The following SYT1 variants were observed in gnomAD, a reference collection of about 807,000 sequenced individuals.
SYT1 encodes the protein synaptotagmin-1.
Under a neutral mutation model 44.8 loss-of-function variants are expected in SYT1, and 8 were observed. The ratio of observed to expected loss-of-function variants is 0.18; its 90% CI spans 0.10 to 0.32. The LOEUF (loss-of-function observed/expected upper bound fraction) is 0.32. SYT1 is among the 10% of genes least tolerant of loss of function. The pLI is 1.00. For synonymous variants in SYT1, 154 were observed against 188.8 expected (o/e 0.82, Z 1.51); for missense variants, 286 against 509.3 (o/e 0.56, Z 4.22).
chr12:79,415,759 T>G (rs1184771197), intron 9 of SYT1, among the ~76,000 whole-genome samples: 5 of 152,216 alleles, frequency 3.3e-5, no homozygotes. Context: ...AATATGCATT[T>G]TAAATGTTAA....
chr12:78,899,788 A>G (rs1361850984), intron 1 of SYT1, among the ~76,000 whole-genome samples: 1 of 152,036 alleles, frequency 6.6e-6, no homozygotes, highest in Non-Finnish European at 1.5e-5. Context: ...AATATGCTTT[A>G]TACTTTTTAT....
At chr12:79,327,653 T>C (rs762262131) in intron 8 of SYT1, among the ~76,000 whole-genome samples, 5 of 152,224 alleles carry the variant, frequency 3.3e-5, no homozygotes, top group Non-Finnish European at 7.3e-5. Flanking sequence ...TTCAGATCAT[T>C]TCATGCTGGG....
intron 3 of SYT1, among the ~76,000 whole-genome samples, chr12:79,178,630 A>G (rs765117835): frequency 5.3e-5 from 8 of 151,750 alleles, no homozygotes; most frequent in Non-Finnish European, 8.8e-5. Context: ...CATTTGGTGG[A>G]CAGGGCTATA....
intron 6 of SYT1, among the ~76,000 whole-genome samples, chr12:79,293,414 A>AATAAAATAAAATAAAAT (rs1879732518): frequency 6.7e-6 from 1 of 149,184 alleles, no homozygotes; most frequent in African/African-American, 2.5e-5. Flanking sequence ...ATAAAATTAA[A>AATAAAATAAAATAAAAT]AAATCTGTAA....
chr12:79,111,760 A>T (rs1205943475), intron 3 of SYT1, among the ~76,000 whole-genome samples: 1 of 151,904 alleles, frequency 6.6e-6, no homozygotes, highest in Non-Finnish European at 1.5e-5. Flanking sequence ...CTGAGACTCA[A>T]ACTCATGCCT....
chr12:78,968,774 G>A (rs962922513), intron 1 of SYT1, among the ~76,000 whole-genome samples: 8 of 152,100 alleles, frequency 5.3e-5, no homozygotes, highest in African/African-American at 1.9e-4. Flanking sequence ...TAATATTTTA[G>A]CAGACATAAT....
intron 3 of SYT1, among the ~76,000 whole-genome samples, chr12:79,134,642 G>T (rs1415158267): frequency 6.6e-6 from 1 of 152,052 alleles, no homozygotes; most frequent in African/African-American, 2.4e-5. Flanking sequence ...CATCCCTTAA[G>T]TCTACCTACA....
chr12:79,358,682 A>T (rs1374856948), intron 9 of SYT1, among the ~76,000 whole-genome samples: 2 of 152,176 alleles, frequency 1.3e-5, no homozygotes, highest in African/African-American at 2.4e-5. Flanking sequence ...TATAGCATTC[A>T]GCCTTGCCCA....
At chr12:79,089,625 C>T (rs928362126) in intron 3 of SYT1, among the ~76,000 whole-genome samples, 11 of 151,850 alleles carry the variant, frequency 7.2e-5, no homozygotes, top group African/African-American at 2.4e-4. Flanking sequence ...TTGCTGAGAC[C>T]CCAGATCCAA....
At chr12:78,893,386 GT>G (rs1479285460) in intron 1 of SYT1, among the ~76,000 whole-genome samples, 2 of 151,600 alleles carry the variant, frequency 1.3e-5, no homozygotes, top group Non-Finnish European at 3.0e-5. Context: ...ATTCAATTCT[GT>G]CTCCAAAATT....
At chr12:79,165,694 T>C (rs1871185651) in intron 3 of SYT1, among the ~76,000 whole-genome samples, 1 of 152,000 alleles carries the variant, frequency 6.6e-6, no homozygotes, top group South Asian at 2.1e-4. Flanking sequence ...TGAATATTAA[T>C]CTGATTGTTT....
In SYT1 at chr12:78,950,725, A is replaced by T. The variant is rs117272069; in HGVS notation, c.-216-27074A>T. ...AATGTATGTATATTTATTTGATTAGATCATGCTTTTTTAATCAGATGGTTT... is the reference window on the plus strand; with the variant it reads ...AATGTATGTATATTTATTTGATTAGTTCATGCTTTTTTAATCAGATGGTTT... On this transcript the variant is annotated intron_variant, in intron 1 of 10. Transcript: ENST00000261205. Among the ~76,000 whole-genome samples the T allele has an allele frequency of 4.0e-3, 616 of 152,190 alleles. 6 individuals carry two copies. The highest frequency in any genetic ancestry group is 0.031 in the Middle Eastern group (9 of 294).
chr12:79,429,631 C>G (rs1449903840), intron 9 of SYT1, among the ~76,000 whole-genome samples: 1 of 151,990 alleles, frequency 6.6e-6, no homozygotes, highest in African/African-American at 2.4e-5. Context: ...CGGGTTCACG[C>G]CATTCTCCTG....
rs114840513 is a variant in SYT1 at position 79,290,232 on chromosome 12, C to T, written c.352-1776C>T. Among the ~76,000 whole-genome samples, 1,120 of 152,238 alleles carry T rather than the reference C, an allele frequency of 7.4e-3. 12 individuals carry two copies. The highest frequency in any genetic ancestry group is 0.025 in the African/African-American group (1,037 of 41,542). On this transcript the variant is annotated intron_variant, in intron 5 of 10. Transcript: ENST00000261205. ...CAACAGCTCAATTCTGTTTATATGA[C>T]CTTCCCACCTGAATGAGTTCTATTA...
intron 1 of SYT1, among the ~76,000 whole-genome samples, chr12:78,952,174 C>G (rs1879003461): frequency 6.6e-6 from 1 of 152,036 alleles, no homozygotes; most frequent in South Asian, 2.1e-4. Flanking sequence ...TGGAATTATG[C>G]AATACTCAGC....
At chr12:79,106,047 T>TG (rs1878701024) in intron 3 of SYT1, among the ~76,000 whole-genome samples, 1 of 151,986 alleles carries the variant, frequency 6.6e-6, no homozygotes, top group South Asian at 2.1e-4. Flanking sequence ...ATACAGACGG[T>TG]GGGGAAGGAA....
In SYT1 at chr12:79,346,180, T is replaced by C. The variant is rs146705210; in HGVS notation, c.811-7322T>C. Among the ~76,000 whole-genome samples, 271 of 152,342 alleles carry C rather than the reference T, an allele frequency of 1.8e-3. 1 individual carries two copies. Among genetic ancestry groups the C allele is most frequent in the African/African-American group, 6.2e-3 (257 of 41,584 alleles). On this transcript the variant is annotated intron_variant, in intron 8 of 10. Transcript: ENST00000261205. ...TGGGGCTACAGAGCCATTAAATAAA[T>C]ATTCATTTTAAATCAAGCTTTTTAT...
At chr12:79,143,058 A>T (rs147521848) in intron 3 of SYT1, among the ~76,000 whole-genome samples, 2 of 152,276 alleles carry the variant, frequency 1.3e-5, no homozygotes, top group African/African-American at 2.4e-5. Context: ...TTCTAAGAAA[A>T]TCCTACATTT....
chr12:79,031,563 T>G (rs947621682), intron 2 of SYT1, among the ~76,000 whole-genome samples: 1 of 151,154 alleles, frequency 6.6e-6, no homozygotes, highest in Non-Finnish European at 1.5e-5. Context: ...CATCCGCTCT[T>G]ACTTCCTGTT....
Sources: allele counts gnomAD v4.1 joint callset (sites outside exome capture counted in the v4.1 genomes callset), GRCh38; gene constraint gnomAD v4.1.1; transcripts MANE v1.5; gene names NCBI Gene and HGNC (gene_info 2026-07-23, HGNC 2026-07-21).